Variants in ADAM29 observed in about 807,000 individuals in gnomAD.
ADAM29 encodes disintegrin and metalloproteinase domain-containing protein 29.
For missense variants in ADAM29, 969 were observed against 1,001.8 expected (o/e 0.97, Z 0.44); for synonymous variants, 367 against 342.3 (o/e 1.07, Z -0.80).
chr4:174,976,647 T>C lies in ADAM29; in HGVS notation c.1122T>C (p.Phe374=). 2 of 1,613,488 alleles carry C rather than the reference T, an allele frequency of 1.2e-6. No homozygotes were observed. Among genetic ancestry groups the C allele is most frequent in the Non-Finnish European group, 1.7e-6 (2 of 1,179,736 alleles). The change falls in exon 5 of 5, where the codon TTT becomes TTC. Residue 374 remains phenylalanine, a synonymous_variant. Transcript: ENST00000359240. ...TKFSNCSYGD[F]WEYTVERTKC... is the part of the protein sequence containing the mutation. ...TTAGCAATTGTAGTTATGGTGATTTTTGGGAATATACTGTAGAGAGGACAA... is the reference window on the plus strand; with the variant it reads ...TTAGCAATTGTAGTTATGGTGATTTCTGGGAATATACTGTAGAGAGGACAA...
At chr4:174,973,129 G>A (rs1026367524) in intron 4 of ADAM29, among the ~76,000 whole-genome samples, 1 of 151,014 alleles carries the variant, frequency 6.6e-6, no homozygotes, top group South Asian at 2.1e-4. Flanking sequence ...GTTGGGTTAT[G>A]GGGGGGCAGG....
chr4:174,977,071 G>C lies in ADAM29; in HGVS notation c.1546G>C (p.Ala516Pro). Residue 516 changes from alanine to proline, a missense_variant, in exon 5 of 5, where the codon GCA becomes CCA. By Grantham distance (27) the Ala-to-Pro change is conservative. Coordinates refer to ENST00000359240, the MANE Select transcript of ADAM29 (RefSeq NM_014269.4). ...RRIFGAGANT[A>P]SETCYKELNT... is the part of the protein sequence containing the mutation. ...GATTTTTGGTGCAGGCGCAAATACT[G>C]CAAGTGAGACTTGCTACAAAGAATT... The C allele has an allele frequency of 6.2e-7, 1 of 1,614,098 alleles. No homozygotes were observed. The highest frequency in any genetic ancestry group is 8.5e-7 in the Non-Finnish European group (1 of 1,180,004).
At chr4:174,951,031 C>T (rs1745144921) in intron 4 of ADAM29, among the ~76,000 whole-genome samples, 1 of 152,162 alleles carries the variant, frequency 6.6e-6, no homozygotes, top group Admixed American at 6.5e-5. Context: ...GTTGATTAAA[C>T]TACTTTTCTT....
At chr4:174,959,987 C>G (rs1181507834) in intron 4 of ADAM29, among the ~76,000 whole-genome samples, 2 of 151,880 alleles carry the variant, frequency 1.3e-5, no homozygotes, top group African/African-American at 4.8e-5. Context: ...TACAATGAAT[C>G]CAATAAAAGA....
intron 1 of ADAM29, among the ~76,000 whole-genome samples, chr4:174,920,381 ATGTTTC>A (rs1743097388): frequency 6.6e-6 from 1 of 152,046 alleles, no homozygotes; most frequent in African/African-American, 2.4e-5. Flanking sequence ...TCTTCTTTCC[ATGTTTC>A]TGTTCATCAC....
intron 4 of ADAM29, among the ~76,000 whole-genome samples, chr4:174,941,026 TA>T (rs1185898604): frequency 1.3e-5 from 2 of 152,174 alleles, no homozygotes; most frequent in Non-Finnish European, 2.9e-5. Flanking sequence ...TTTATATGGT[TA>T]TTATTTATAA....
intron 3 of ADAM29, among the ~76,000 whole-genome samples, chr4:174,932,057 G>A (rs1226158161): frequency 6.6e-6 from 1 of 152,122 alleles, no homozygotes; most frequent in East Asian, 1.9e-4. Flanking sequence ...GGGAGGGCAA[G>A]GCAGGTAGAT....
chr4:174,953,646 C>T (rs1745317837), intron 4 of ADAM29, among the ~76,000 whole-genome samples: 1 of 152,178 alleles, frequency 6.6e-6, no homozygotes, highest in African/African-American at 2.4e-5. Flanking sequence ...ACCCACAATA[C>T]AAACATTTAT....
chr4:174,977,736 G>A lies in ADAM29; in HGVS notation c.2211G>A (p.Met737Ile). 6.2e-7 allele frequency: 1 copy of A among 1,604,420 alleles called. No individual in the cohort carries two copies. The highest frequency in any genetic ancestry group is 1.3e-5 in the African/African-American group (1 of 74,882). The change falls in exon 5 of 5, where the codon ATG becomes ATA. Residue 737 changes from methionine (M) to isoleucine (I), a missense_variant. Met to Ile is a conservative substitution (Grantham distance 10, BLOSUM62 1). Coordinates refer to ENST00000359240, the MANE Select transcript of ADAM29 (RefSeq NM_014269.4). ...CTCCCCAGAGTCAACCTTGGGTGAT[G>A]CCTTCCCAGAGTCAACCTCCTGTGA... The part of the protein sequence containing the change: ...ELPPQSQPWV[M>I]PSQSQPPVTP...
chr4:174,942,861 A>G (rs986885129), intron 4 of ADAM29, among the ~76,000 whole-genome samples: 1 of 151,886 alleles, frequency 6.6e-6, no homozygotes, highest in African/African-American at 2.4e-5. Flanking sequence ...AAACTTTTAC[A>G]CTCTGCTTCC....
chr4:174,923,519 T>TTA (rs1560856973), intron 2 of ADAM29, among the ~76,000 whole-genome samples: 5 of 36,726 alleles, frequency 1.4e-4, no homozygotes, highest in Admixed American at 5.1e-4. Flanking sequence ...ATACTGTGCA[T>TTA]TATATGTATA....
chr4:174,935,171 C>A (rs1248486149), intron 3 of ADAM29, among the ~76,000 whole-genome samples: 1 of 152,044 alleles, frequency 6.6e-6, no homozygotes, highest in Non-Finnish European at 1.5e-5. Context: ...CAGTTAACTT[C>A]CTTAGATAAG....
chr4:174,922,320 C>G (rs1459704976), intron 2 of ADAM29, among the ~76,000 whole-genome samples: 3 of 152,166 alleles, frequency 2.0e-5, no homozygotes, highest in Admixed American at 6.5e-5. Flanking sequence ...AAACTGAAAT[C>G]AATGAATTTT....
At chr4:174,932,131 T>C (rs1013063566) in intron 3 of ADAM29, among the ~76,000 whole-genome samples, 1 of 151,798 alleles carries the variant, frequency 6.6e-6, no homozygotes, top group African/African-American at 2.4e-5. Flanking sequence ...CTACTAAAAA[T>C]ACAAAATTAG....
intron 4 of ADAM29, among the ~76,000 whole-genome samples, chr4:174,941,013 A>C (rs550191455): frequency 1.3e-5 from 2 of 152,276 alleles, no homozygotes; most frequent in South Asian, 2.1e-4. Flanking sequence ...TGTAGAACAA[A>C]CTTTTATATG....
Position 174,978,161 on chromosome 4 carries a change from TA to T in ADAM29, c.*180del. ...AAAACTGTATCCAGAAAAGGTACAT[TA>T]AAAAAATAATTCCTAGTATGTTTCT... On this transcript the variant is annotated 3_prime_UTR_variant, in exon 5 of 5. Transcript: ENST00000359240. 2.9e-6 allele frequency: 3 copies of T among 1,044,332 alleles called. No individual in the cohort carries two copies. Among genetic ancestry groups the T allele is most frequent in the Non-Finnish European group, 4.2e-6 (3 of 714,456 alleles). The allele number at this position is 1,044,332 out of a possible 1,614,324, so 64.7% of individuals were successfully genotyped here.
intron 4 of ADAM29, among the ~76,000 whole-genome samples, chr4:174,970,227 C>A (rs1158100874): frequency 6.6e-6 from 1 of 152,068 alleles, no homozygotes; most frequent in Non-Finnish European, 1.5e-5. Context: ...CTGTCCTAAT[C>A]CCTGAAACCG....
At chr4:174,968,025 ATTAT>A (rs375707227) in intron 4 of ADAM29, among the ~76,000 whole-genome samples, 37 of 152,116 alleles carry the variant, frequency 2.4e-4, no homozygotes, top group African/African-American at 8.4e-4. Context: ...TACTCGCTTT[ATTAT>A]TTATTTGTCA....
intron 4 of ADAM29, among the ~76,000 whole-genome samples, chr4:174,955,822 A>T (rs1745469024): frequency 3.9e-5 from 6 of 152,056 alleles, no homozygotes; most frequent in Admixed American, 3.9e-4. Context: ...TTCCTTGGAA[A>T]TTACCAAAAG....
Sources: gnomAD v4.1 joint callset for allele counts (sites outside exome capture counted in the v4.1 genomes callset) on GRCh38, gnomAD v4.1.1 for gene constraint, MANE v1.5 for transcripts, NCBI Gene and HGNC (gene_info 2026-07-23, HGNC 2026-07-21) for gene names.